The following UBE2H variants were observed in gnomAD, a reference collection of about 807,000 sequenced individuals.
UBE2H encodes the protein ubiquitin conjugating enzyme E2 H.
In UBE2H, 3 loss-of-function variants were observed where a neutral mutation model predicts 29.0. The ratio of observed to expected loss-of-function variants is 0.10; its 90% confidence interval spans 0.05 to 0.27. UBE2H has a LOEUF of 0.27. Ranked by LOEUF, UBE2H falls within the 10% of genes least tolerant of loss-of-function variation. UBE2H has a pLI of 1.00. For synonymous variants in UBE2H, 69 were observed against 82.9 expected (o/e 0.83, Z 0.91); for missense variants, 68 against 228.2 (o/e 0.30, Z 4.52).
At chr7:129,896,209 C>T (rs967326294) in intron 1 of UBE2H, among the ~76,000 whole-genome samples, 7 of 151,308 alleles carry the variant, frequency 4.6e-5, no homozygotes, top group African/African-American at 1.7e-4. Context: ...TGGTGGCGGG[C>T]ATCTGTAATC....
chr7:129,934,953 G>A (rs1807493561), intron 1 of UBE2H, among the ~76,000 whole-genome samples: 1 of 150,442 alleles, frequency 6.6e-6, no homozygotes, highest in Non-Finnish European at 1.5e-5. Context: ...ATATGTGTGT[G>A]TGTGTATATA....
chr7:129,879,922 T>C (rs1394872322), intron 2 of UBE2H, among the ~76,000 whole-genome samples: 1 of 152,214 alleles, frequency 6.6e-6, no homozygotes, highest in East Asian at 1.9e-4. Context: ...AATAGCCATG[T>C]TACTTTCCCT....
intron 1 of UBE2H, among the ~76,000 whole-genome samples, chr7:129,913,528 C>T (rs777502499): frequency 6.6e-5 from 10 of 152,132 alleles, no homozygotes; most frequent in Non-Finnish European, 1.3e-4. Context: ...TCTGAACACC[C>T]GCCATGTCTA....
At chr7:129,900,658 T>G (rs540708998) in intron 1 of UBE2H, among the ~76,000 whole-genome samples, 2 of 152,166 alleles carry the variant, frequency 1.3e-5, no homozygotes, top group Non-Finnish European at 2.9e-5. Context: ...TTAGGGTACA[T>G]GTGCACATTG....
At chr7:129,859,432 C>T (rs1189458476) in intron 3 of UBE2H, among the ~76,000 whole-genome samples, 1 of 152,096 alleles carries the variant, frequency 6.6e-6, no homozygotes, top group Non-Finnish European at 1.5e-5. Context: ...AAAGGAATAC[C>T]ACTTCAAACC....
At chr7:129,921,694 C>CACAAAAAAAAA (rs1325226224) in intron 1 of UBE2H, among the ~76,000 whole-genome samples, 1 of 68,510 alleles carries the variant, frequency 1.5e-5, no homozygotes, top group Non-Finnish European at 3.0e-5. Context: ...GACTCTGTCA[C>CACAAAAAAAAA]AAAAAAAAAA....
intron 1 of UBE2H, among the ~76,000 whole-genome samples, chr7:129,904,119 C>G (rs1258620293): frequency 2.6e-5 from 4 of 152,226 alleles, no homozygotes; most frequent in Admixed American, 1.3e-4. Flanking sequence ...CAGTCTGCCA[C>G]ATTCTTCCTC....
chr7:129,909,907 T>A (rs1806896061), intron 1 of UBE2H, among the ~76,000 whole-genome samples: 1 of 151,672 alleles, frequency 6.6e-6, no homozygotes, highest in Admixed American at 6.6e-5. Flanking sequence ...TATAAAGTGG[T>A]CTGAGGGGAA....
rs1226504354 is a variant in UBE2H at position 129,833,606 on chromosome 7, T to C, written c.*1331A>G. Reference sequence around the variant, plus strand: ...CTTAACATACGCAGGAGAGAAAACATTTTCTTCCTGCAGGGCATGTTCTAC... The same window carrying C: ...CTTAACATACGCAGGAGAGAAAACACTTTCTTCCTGCAGGGCATGTTCTAC... On this transcript the variant is annotated 3_prime_UTR_variant, in exon 7 of 7. Transcript: ENST00000355621. The C allele has an allele frequency of 6.6e-6, 1 of 152,174 alleles. No homozygotes were observed. Among genetic ancestry groups the C allele is most frequent in the Non-Finnish European group, 1.5e-5 (1 of 68,028 alleles). 9.4% of individuals were successfully genotyped at this position (152,174 alleles called of 1,614,324 possible).
intron 3 of UBE2H, among the ~76,000 whole-genome samples, chr7:129,869,480 C>A (rs573068723): frequency 1.3e-5 from 2 of 152,266 alleles, no homozygotes; most frequent in East Asian, 3.9e-4. Flanking sequence ...AACTACCAGC[C>A]CTCTTATCTT....
At chr7:129,863,965 T>C (rs1458838364) in intron 3 of UBE2H, among the ~76,000 whole-genome samples, 2 of 152,110 alleles carry the variant, frequency 1.3e-5, no homozygotes, top group Non-Finnish European at 2.9e-5. Context: ...CTAATTTTTG[T>C]ATTTTTTCGT....
In UBE2H at chr7:129,896,481, G is replaced by A. The variant is rs183008803; in HGVS notation, c.54-15510C>T. 7.9e-5 allele frequency among the ~76,000 whole-genome samples: 12 copies of A among 152,142 alleles called. No individual in the cohort carries two copies. The East Asian group carries it at 1.7e-3, about 22-fold the overall frequency. ...GTGGCGAGATCCCGGCTCAGCTCACGGCAGCCTCGACCCTCCCAGGTTCAA... is the reference window on the plus strand; with the variant it reads ...GTGGCGAGATCCCGGCTCAGCTCACAGCAGCCTCGACCCTCCCAGGTTCAA... On this transcript the variant is annotated intron_variant, in intron 1 of 6. Coordinates refer to ENST00000355621, the MANE Select transcript of UBE2H (RefSeq NM_003344.4).
At chr7:129,919,009 G>A (rs987125711) in intron 1 of UBE2H, among the ~76,000 whole-genome samples, 11 of 150,616 alleles carry the variant, frequency 7.3e-5, no homozygotes, top group African/African-American at 1.2e-4. Flanking sequence ...ACTTGAGCCC[G>A]AGAGGTCGAG....
chr7:129,878,705 A>G (rs1045140306), intron 3 of UBE2H, among the ~76,000 whole-genome samples: 163 of 137,276 alleles, frequency 1.2e-3, no homozygotes, highest in African/African-American at 4.0e-3. Context: ...AAAAAAAAAA[A>G]GCCCACAGCA....
chr7:129,875,600 C>T (rs1584759154), intron 3 of UBE2H, among the ~76,000 whole-genome samples: 1 of 152,270 alleles, frequency 6.6e-6, no homozygotes, highest in East Asian at 1.9e-4. Context: ...TTTTATCTGC[C>T]AGTTTGACAA....
In UBE2H at chr7:129,890,331, G is replaced by A. The variant is rs141209481; in HGVS notation, c.54-9360C>T. Among the ~76,000 whole-genome samples, 1,085 of 150,632 alleles carry A rather than the reference G, an allele frequency of 7.2e-3. 14 individuals are homozygous for A. The highest frequency in any genetic ancestry group is 0.024 in the African/African-American group (993 of 40,928). On this transcript the variant is annotated intron_variant, in intron 1 of 6. Transcript: ENST00000355621. ...CGTGTATATATGTATGTATATATACGTGTGTATATATATGTATGTATATAT... is the reference window on the plus strand; with the variant it reads ...CGTGTATATATGTATGTATATATACATGTGTATATATATGTATGTATATAT...
chr7:129,854,068 T>TTTTTTTTTTATTTTTTTTTTA (rs1554430951), intron 5 of UBE2H, among the ~76,000 whole-genome samples: 1,997 of 148,550 alleles, frequency 0.013, 10 homozygotes, highest in Non-Finnish European at 0.022. Context: ...TAGTTTTTTT[T>TTTTTTTTTTATTTTTTTTTTA]TTTTTTTTTT....
intron 5 of UBE2H, among the ~76,000 whole-genome samples, chr7:129,845,597 GC>G (rs1284384857): frequency 1.3e-5 from 2 of 152,170 alleles, no homozygotes; most frequent in African/African-American, 4.8e-5. Flanking sequence ...GAACTAAAGG[GC>G]CACTTTGGAG....
intron 1 of UBE2H, 110 bp from the exon 2 acceptor site, chr7:129,881,081 T>C: frequency 1.3e-6 from 1 of 797,330 alleles, no homozygotes; most frequent in Non-Finnish European, 2.0e-6. Context: ...TGGCATGACA[T>C]TGATAAAATA....
Sources: gnomAD v4.1 joint callset for allele counts (sites outside exome capture counted in the v4.1 genomes callset) on GRCh38, gnomAD v4.1.1 for gene constraint, MANE v1.5 for transcripts, NCBI Gene and HGNC (gene_info 2026-07-23, HGNC 2026-07-21) for gene names.